Variants in SH2D4B observed in about 807,000 individuals in gnomAD.
The protein encoded by SH2D4B is SH2 domain containing 4B.
Under a neutral mutation model 61.5 loss-of-function variants are expected in SH2D4B, and 45 were observed. That is an observed-to-expected ratio of 0.73 (90% CI 0.58 to 0.94). SH2D4B has a LOEUF of 0.94. SH2D4B is among the 40% of genes least tolerant of loss of function. The pLI is 0.00. For missense variants in SH2D4B, 572 were observed against 574.2 expected (o/e 1.00, Z 0.04); for synonymous variants, 224 against 220.4 (o/e 1.02, Z -0.14).
At chr10:80,578,122 C>T (rs2132123188) in intron 3 of SH2D4B, among the ~76,000 whole-genome samples, 1 of 152,172 alleles carries the variant, frequency 6.6e-6, no homozygotes, top group African/African-American at 2.4e-5. Context: ...AGGGATGCAC[C>T]ACCATACCTG....
intron 5 of SH2D4B, among the ~76,000 whole-genome samples, chr10:80,606,225 GGC>G (rs1842518584): frequency 6.6e-6 from 1 of 151,854 alleles, no homozygotes; most frequent in Non-Finnish European, 1.5e-5. Flanking sequence ...TGAGGCTTTG[GGC>G]CAAGTGGCCT....
intron 7 of SH2D4B, among the ~76,000 whole-genome samples, chr10:80,640,754 A>C (rs1460698039): frequency 2.0e-5 from 3 of 152,060 alleles, no homozygotes; most frequent in Non-Finnish European, 1.5e-5. Flanking sequence ...TAGCTCGGGG[A>C]AATTTATTAT....
chr10:80,600,071 C>T (rs1480695607), intron 4 of SH2D4B, among the ~76,000 whole-genome samples: 1 of 152,192 alleles, frequency 6.6e-6, no homozygotes, highest in African/African-American at 2.4e-5. Flanking sequence ...GCTTTCCAAG[C>T]CCGCCATGTA....
intron 4 of SH2D4B, among the ~76,000 whole-genome samples, chr10:80,601,064 C>T (rs996404059): frequency 3.9e-5 from 6 of 152,194 alleles, no homozygotes; most frequent in African/African-American, 1.4e-4. Flanking sequence ...CGGATGTCTT[C>T]TCAGGGCCAC....
At chr10:80,564,995 G>A (rs1342364324) in intron 1 of SH2D4B, among the ~76,000 whole-genome samples, 2 of 152,188 alleles carry the variant, frequency 1.3e-5, no homozygotes, top group Non-Finnish European at 2.9e-5. Context: ...CAAAAAAAGG[G>A]ACATTGGAAG....
intron 1 of SH2D4B, among the ~76,000 whole-genome samples, chr10:80,543,288 C>G (rs911167781): frequency 2.0e-5 from 3 of 152,066 alleles, no homozygotes; most frequent in African/African-American, 7.2e-5. Flanking sequence ...CAGCGGGAAC[C>G]GGGGCCAGCG....
chr10:80,554,780 C>A (rs1051518082), intron 1 of SH2D4B, among the ~76,000 whole-genome samples: 8 of 152,082 alleles, frequency 5.3e-5, no homozygotes, highest in African/African-American at 1.9e-4. Flanking sequence ...GAGGCCGAGG[C>A]GGGTGGATCA....
chr10:80,634,157 C>T (rs1842865919), intron 6 of SH2D4B, 128 bp from the exon 7 acceptor site: 46 of 1,250,980 alleles, frequency 3.7e-5, no homozygotes, highest in Non-Finnish European at 4.8e-5. Flanking sequence ...TTCCTTCCTG[C>T]CACCCTGGAC....
rs971264584 is a variant in SH2D4B, at chr10:80,570,145, A to G, written c.185-9A>G. 6.2e-7 allele frequency: 1 copy of G among 1,613,974 alleles called. No individual in the cohort carries two copies. Among genetic ancestry groups the G allele is most frequent in the Non-Finnish European group, 8.5e-7 (1 of 1,179,928 alleles). On this transcript the variant is annotated splice_polypyrimidine_tract_variant and intron_variant, in intron 1 of 7. Transcript: ENST00000646907. ...AAACTTGTTTCTTCTTCCTTCTTCT[A>G]TTGTGAAGCAGCGAGTGACAAGCAC... is the stretch of plus-strand genomic sequence containing the variant.
chr10:80,599,960 C>T (rs962892140), intron 4 of SH2D4B, among the ~76,000 whole-genome samples: 1 of 152,232 alleles, frequency 6.6e-6, no homozygotes, highest in East Asian at 1.9e-4. Flanking sequence ...CCCACCTCCA[C>T]TCAGGGATGG....
At chr10:80,628,064 C>T (rs931212305) in intron 6 of SH2D4B, among the ~76,000 whole-genome samples, 1 of 152,158 alleles carries the variant, frequency 6.6e-6, no homozygotes, top group African/African-American at 2.4e-5. Flanking sequence ...AGGGCCTTCC[C>T]CTGTTTCCTC....
chr10:80,608,328 A>G (rs944331309), intron 5 of SH2D4B, among the ~76,000 whole-genome samples: 2 of 152,032 alleles, frequency 1.3e-5, no homozygotes, highest in Non-Finnish European at 2.9e-5. Context: ...AAGAGTTTAG[A>G]TGAGGGAGCA....
At chr10:80,553,133 G>A (rs952946689) in intron 1 of SH2D4B, among the ~76,000 whole-genome samples, 2 of 152,196 alleles carry the variant, frequency 1.3e-5, no homozygotes, top group Non-Finnish European at 2.9e-5. Context: ...GGCCAGGCAG[G>A]TCTTGAACTC....
At chr10:80,592,296 G>A (rs766209180) in intron 4 of SH2D4B, among the ~76,000 whole-genome samples, 1 of 152,090 alleles carries the variant, frequency 6.6e-6, no homozygotes, top group Non-Finnish European at 1.5e-5. Flanking sequence ...TCAGAGATAT[G>A]GTTTGCAAAT....
At chr10:80,621,617 T>C (rs1288302454) in intron 6 of SH2D4B, among the ~76,000 whole-genome samples, 1 of 152,224 alleles carries the variant, frequency 6.6e-6, no homozygotes, top group African/African-American at 2.4e-5. Flanking sequence ...AAATGTCGTC[T>C]GGGTATAGGG....
intron 3 of SH2D4B, among the ~76,000 whole-genome samples, chr10:80,576,711 C>T (rs185220810): frequency 1.6e-4 from 24 of 152,314 alleles, no homozygotes; most frequent in Admixed American, 9.8e-4. Context: ...TTTTTGGCTG[C>T]GCCAGCCTTA....
At chr10:80,577,198 A>G (rs971837232) in intron 3 of SH2D4B, among the ~76,000 whole-genome samples, 3 of 152,206 alleles carry the variant, frequency 2.0e-5, no homozygotes, top group Admixed American at 6.5e-5. Flanking sequence ...AGGAAACCCA[A>G]GTTAGCCATG....
Position 80,603,568 on chromosome 10 carries a change from C to A in SH2D4B, c.644-11C>A. The stretch of plus-strand genomic sequence containing the variant: ...CGGATCTGGGCTAACGTGCTGTCTT[C>A]CTCTTTCCAGTGCGCCGGTCCAAGG... On this transcript the variant is annotated splice_polypyrimidine_tract_variant and intron_variant, in intron 4 of 7. Coordinates refer to ENST00000646907, the MANE Select transcript of SH2D4B (RefSeq NM_001388272.1). 2.0e-6 allele frequency: 3 copies of A among 1,535,694 alleles called. No homozygotes were observed. The highest frequency in any genetic ancestry group is 2.6e-6 in the Non-Finnish European group (3 of 1,136,150).
At chr10:80,626,756 C>T (rs1411454490) in intron 6 of SH2D4B, among the ~76,000 whole-genome samples, 1 of 152,218 alleles carries the variant, frequency 6.6e-6, no homozygotes, top group Non-Finnish European at 1.5e-5. Context: ...TCAGTGCCTC[C>T]ACAGAGCCTT....
Sources: gnomAD v4.1 joint callset for allele counts (sites outside exome capture counted in the v4.1 genomes callset) on GRCh38, gnomAD v4.1.1 for gene constraint, MANE v1.5 for transcripts, NCBI Gene and HGNC (gene_info 2026-07-23, HGNC 2026-07-21) for gene names.